CHL1: variants seen among roughly 807,000 people sequenced by gnomAD.
The protein encoded by CHL1 is cell adhesion molecule L1 like, also known as neural cell adhesion molecule L1-like protein.
In CHL1, 96 loss-of-function variants were observed where a neutral mutation model predicts 141.9. That is an observed-to-expected ratio of 0.68 (90% CI 0.57 to 0.80). CHL1 has a LOEUF of 0.80. Among genes scored for constraint, CHL1 ranks in the 30% least tolerant of loss-of-function variants. The pLI, the probability that CHL1 is intolerant of heterozygous loss-of-function variation, is 0.00. For missense variants in CHL1, 1,820 were observed against 1,457.2 expected (o/e 1.25, Z -4.05); for synonymous variants, 613 against 502.2 (o/e 1.22, Z -2.95).
intron 1 of CHL1, among the ~76,000 whole-genome samples, chr3:240,971 C>A (rs984578293): frequency 3.3e-5 from 5 of 152,132 alleles, no homozygotes; most frequent in African/African-American, 1.2e-4. Context: ...TAGTTTTATA[C>A]AAGTACCATG....
intron 19 of CHL1, chr3:385,684 C>T (rs1490818854): frequency 6.6e-6 from 1 of 151,876 alleles, no homozygotes; most frequent in African/African-American, 2.4e-5. Flanking sequence ...AAAAATTAGC[C>T]AGGTGTGGTG....
intron 7 of CHL1, 103 bp from the exon 8 acceptor site, chr3:342,881 C>A: frequency 1.2e-6 from 1 of 834,526 alleles, no homozygotes; most frequent in Non-Finnish European, 1.9e-6. Flanking sequence ...GGTTCTACAT[C>A]ATTTTGTAAT....
chr3:198,130 G>A (rs13074359), intron 1 of CHL1: 9 of 233,582 alleles, frequency 3.9e-5, no homozygotes, highest in Admixed American at 2.6e-4. Context: ...GTGGAGCGCA[G>A]GGTGGGCGTT....
At chr3:286,596 G>A (rs1422291116) in intron 2 of CHL1, among the ~76,000 whole-genome samples, 1 of 135,826 alleles carries the variant, frequency 7.4e-6, no homozygotes, top group Non-Finnish European at 1.5e-5. Context: ...GGGTGACAGA[G>A]TGAGACTTTG....
chr3:197,162 G>C (rs79810277), intron 1 of CHL1, 99 bp downstream of exon 1: 1 of 152,330 alleles, frequency 6.6e-6, no homozygotes, highest in Admixed American at 6.5e-5. Flanking sequence ...GGGTCCACTC[G>C]TTATGGAAAG....
chr3:216,571 C>G (rs1700342113), intron 1 of CHL1, among the ~76,000 whole-genome samples: 1 of 152,176 alleles, frequency 6.6e-6, no homozygotes, highest in South Asian at 2.1e-4. Context: ...TTACAGATGT[C>G]TTGTGTGAGA....
chr3:325,455 G>GA (rs71619451), intron 3 of CHL1, among the ~76,000 whole-genome samples: 5 of 151,308 alleles, frequency 3.3e-5, no homozygotes, highest in African/African-American at 7.3e-5. Context: ...TACCTGGAAA[G>GA]AAAAAAAATG....
chr3:344,272 A>G (rs1702579271), intron 8 of CHL1, among the ~76,000 whole-genome samples: 1 of 152,218 alleles, frequency 6.6e-6, no homozygotes, highest in South Asian at 2.1e-4. Context: ...TGATTGAAGT[A>G]TAGAATATAA....
intron 1 of CHL1, chr3:197,633 G>C (rs1575582300): frequency 5.5e-6 from 2 of 366,944 alleles, no homozygotes; most frequent in African/African-American, 4.5e-5. Context: ...CCCAGCCCGG[G>C]GGGGGTTCCG....
chr3:242,432 T>TA (rs1692715372), intron 1 of CHL1, among the ~76,000 whole-genome samples: 1 of 134,678 alleles, frequency 7.4e-6, no homozygotes, highest in African/African-American at 2.8e-5. Context: ...CCGTCTCTAC[T>TA]AAAAATACAA....
chr3:343,079 T>A, intron 8 of CHL1, 48 bp downstream of exon 8: 1 of 1,453,816 alleles, frequency 6.9e-7, no homozygotes, highest in Non-Finnish European at 9.3e-7. Context: ...TAGCTCATTG[T>A]CATCTCAGAT....
At chr3:197,274 G>C (rs967734377) in intron 1 of CHL1, 2 of 152,606 alleles carry the variant, frequency 1.3e-5, no homozygotes, top group African/African-American at 4.8e-5. Flanking sequence ...CCCGCCCCCG[G>C]TGGCCGAGGC....
chr3:358,960 T>C (rs1376049463), intron 11 of CHL1, among the ~76,000 whole-genome samples: 3 of 146,286 alleles, frequency 2.1e-5, no homozygotes, highest in Non-Finnish European at 4.5e-5. Flanking sequence ...GATTTATATA[T>C]ATAAAATATA....
chr3:237,135 C>T (rs1692068900), intron 1 of CHL1, among the ~76,000 whole-genome samples: 1 of 152,158 alleles, frequency 6.6e-6, no homozygotes, highest in Non-Finnish European at 1.5e-5. Context: ...AAATTGTAAT[C>T]CCCATGTGTT....
chr3:311,127 A>G (rs971580630), intron 2 of CHL1, among the ~76,000 whole-genome samples: 1 of 152,174 alleles, frequency 6.6e-6, no homozygotes. Context: ...TTACCTACCA[A>G]AGAATATCTT....
At chr3:394,535 T>C (rs1708507669) in intron 23 of CHL1, among the ~76,000 whole-genome samples, 158 bp from the exon 24 acceptor site, 1 of 152,164 alleles carries the variant, frequency 6.6e-6, no homozygotes, top group African/African-American at 2.4e-5. Flanking sequence ...GATATAGTCA[T>C]AGTAGTTGTA....
At chr3:279,024 G>C (rs939239378) in intron 2 of CHL1, among the ~76,000 whole-genome samples, 1 of 151,890 alleles carries the variant, frequency 6.6e-6, no homozygotes, top group African/African-American at 2.4e-5. Flanking sequence ...ATTCTAATGG[G>C]GACGCACGAA....
intron 7 of CHL1, among the ~76,000 whole-genome samples, chr3:342,366 C>T (rs574256455): frequency 6.6e-6 from 1 of 152,214 alleles, no homozygotes; most frequent in East Asian, 1.9e-4. Flanking sequence ...CAATGAAATT[C>T]CAGGGTTTTC....
intron 5 of CHL1, among the ~76,000 whole-genome samples, chr3:334,615 T>G (rs1228872685): frequency 1.3e-5 from 2 of 152,230 alleles, no homozygotes; most frequent in African/African-American, 4.8e-5. Flanking sequence ...AGTAGTTTAT[T>G]TCTCTATATT....
Sources: allele counts gnomAD v4.1 joint callset (sites outside exome capture counted in the v4.1 genomes callset), GRCh38; gene constraint gnomAD v4.1.1; transcripts MANE v1.5; gene names NCBI Gene and HGNC (gene_info 2026-07-23, HGNC 2026-07-21).